The following NKAIN3 variants were observed in gnomAD, a reference collection of about 807,000 sequenced individuals.
NKAIN3 encodes the protein sodium/potassium transporting ATPase interacting 3, also known as sodium/potassium-transporting ATPase subunit beta-1-interacting protein 3.
In NKAIN3, 25 loss-of-function variants were observed where a neutral mutation model predicts 30.2. The ratio of observed to expected loss-of-function variants is 0.83; its 90% CI spans 0.60 to 1.16. The LOEUF is 1.16. Among genes scored for constraint, NKAIN3 ranks in the 50% most tolerant of loss-of-function variants. The pLI is 0.00. For missense variants in NKAIN3, 225 were observed against 254.1 expected (o/e 0.89, Z 0.78); for synonymous variants, 91 against 89.6 (o/e 1.02, Z -0.09).
chr8:62,950,581 T>C (rs1233008676), intron 5 of NKAIN3, among the ~76,000 whole-genome samples: 4 of 152,188 alleles, frequency 2.6e-5, no homozygotes, highest in Non-Finnish European at 5.9e-5. Context: ...TACATCATGC[T>C]AGGTTTCTGA....
At chr8:62,574,844 T>C (rs1287489586) in intron 1 of NKAIN3, among the ~76,000 whole-genome samples, 4 of 152,098 alleles carry the variant, frequency 2.6e-5, no homozygotes, top group African/African-American at 9.7e-5. Flanking sequence ...TTATATGTCT[T>C]CTTTCAAGAA....
At chr8:62,542,411 G>T (rs1808872383) in intron 1 of NKAIN3, among the ~76,000 whole-genome samples, 1 of 152,070 alleles carries the variant, frequency 6.6e-6, no homozygotes, top group South Asian at 2.1e-4. Context: ...CATGATATAT[G>T]TGAACTTTAT....
intron 5 of NKAIN3, among the ~76,000 whole-genome samples, chr8:62,937,752 G>A (rs1260934904): frequency 6.6e-6 from 1 of 152,092 alleles, no homozygotes; most frequent in Non-Finnish European, 1.5e-5. Context: ...GCAGGGAGGG[G>A]TGAAGTCTGA....
chr8:62,508,034 T>C (rs1807696911), intron 1 of NKAIN3, among the ~76,000 whole-genome samples: 1 of 152,248 alleles, frequency 6.6e-6, no homozygotes, highest in Non-Finnish European at 1.5e-5. Context: ...AGGTAGTGAT[T>C]GGGCTTTCTA....
intron 1 of NKAIN3, among the ~76,000 whole-genome samples, chr8:62,515,834 G>A (rs190469787): frequency 1.3e-5 from 2 of 151,964 alleles, no homozygotes; most frequent in African/African-American, 2.4e-5. Context: ...CTGAATATTT[G>A]TTCATATACT....
Position 62,968,734 on chromosome 8 carries a change from C to G in NKAIN3, c.*3327C>G, listed in dbSNP as rs965495578. On this transcript the variant is annotated 3_prime_UTR_variant, in exon 7 of 7. Transcript: ENST00000623646. ...AACCTTGGCCAGCCCTTCCTCAGGC[C>G]GTGCCTTCTATCTTGTGTGAATGAT... is the stretch of plus-strand genomic sequence containing the variant. 1.3e-5 allele frequency among the ~76,000 whole-genome samples: 2 copies of G among 152,134 alleles called. No individual in the cohort carries two copies.
intron 1 of NKAIN3, among the ~76,000 whole-genome samples, chr8:62,514,695 C>T (rs927903379): frequency 6.6e-6 from 1 of 152,080 alleles, no homozygotes; most frequent in Non-Finnish European, 1.5e-5. Context: ...TTACTACTCC[C>T]CACCCTTCCT....
rs113412790 is a variant in NKAIN3 at position 62,337,219 on chromosome 8, C to T, written c.54+88092C>T. ...CAACATATCATTTCTGCCATTTTCA[C>T]TGGTCAATGCAATCATAGATCCCTT... On this transcript the variant is annotated intron_variant, in intron 1 of 6. Coordinates refer to ENST00000623646, the MANE Select transcript of NKAIN3 (RefSeq NM_001304533.3). 3.6e-3 allele frequency among the ~76,000 whole-genome samples: 551 copies of T among 152,148 alleles called. 1 individual carries two copies. Among genetic ancestry groups the T allele is most frequent in the Middle Eastern group, 6.8e-3 (2 of 294 alleles).
At chr8:62,702,952 C>A (rs1222898935) in intron 3 of NKAIN3, among the ~76,000 whole-genome samples, 1 of 152,074 alleles carries the variant, frequency 6.6e-6, no homozygotes, top group Non-Finnish European at 1.5e-5. Context: ...AAAAATAAAA[C>A]CCACAGGGAA....
chr8:62,485,740 A>G (rs549951537), intron 1 of NKAIN3, among the ~76,000 whole-genome samples: 9 of 152,324 alleles, frequency 5.9e-5, no homozygotes, highest in African/African-American at 2.2e-4. Context: ...AGAAGAGACT[A>G]AAATCTAAAC....
intron 5 of NKAIN3, among the ~76,000 whole-genome samples, chr8:62,931,595 G>A (rs1361982006): frequency 2.0e-5 from 3 of 152,030 alleles, no homozygotes; most frequent in Non-Finnish European, 2.9e-5. Flanking sequence ...AGGAATTTTC[G>A]GCAGGGAAGC....
At chr8:62,947,426 A>G (rs554154457) in intron 5 of NKAIN3, among the ~76,000 whole-genome samples, 4 of 152,324 alleles carry the variant, frequency 2.6e-5, no homozygotes, top group South Asian at 2.1e-4. Flanking sequence ...TGTATATAAT[A>G]TACATTTTTC....
intron 3 of NKAIN3, among the ~76,000 whole-genome samples, chr8:62,610,347 GAAA>G (rs33941316): frequency 0.013 from 1,794 of 135,450 alleles, 39 homozygotes; most frequent in African/African-American, 0.045. Flanking sequence ...CTCCGTCTCA[GAAA>G]AAAAAAAAAA....
intron 5 of NKAIN3, among the ~76,000 whole-genome samples, chr8:62,923,842 G>C (rs900227344): frequency 1.3e-5 from 2 of 152,300 alleles, no homozygotes; most frequent in Middle Eastern, 3.4e-3. Context: ...ACAGTGCTCT[G>C]GTTGAGTGAC....
At chr8:62,842,465 C>T (rs1470125760) in intron 4 of NKAIN3, among the ~76,000 whole-genome samples, 1 of 151,930 alleles carries the variant, frequency 6.6e-6, no homozygotes, top group East Asian at 1.9e-4. Flanking sequence ...TCAATGCAAT[C>T]CCTATAAAAA....
intron 4 of NKAIN3, among the ~76,000 whole-genome samples, chr8:62,888,783 T>A (rs1298771656): frequency 6.6e-6 from 1 of 152,234 alleles, no homozygotes; most frequent in African/African-American, 2.4e-5. Flanking sequence ...TGAAGTTTTG[T>A]ATTAGTCCAC....
At chr8:62,873,275 CAAG>C (rs1280341714) in intron 4 of NKAIN3, among the ~76,000 whole-genome samples, 2 of 152,108 alleles carry the variant, frequency 1.3e-5, no homozygotes, top group East Asian at 3.9e-4. Context: ...AATAATTCAA[CAAG>C]AAGAGCTAAC....
chr8:62,597,465 G>A (rs1205283686), intron 3 of NKAIN3, among the ~76,000 whole-genome samples: 4 of 151,800 alleles, frequency 2.6e-5, no homozygotes, highest in South Asian at 2.1e-4. Flanking sequence ...TTTGATAGTC[G>A]GCTTTTATTT....
intron 1 of NKAIN3, among the ~76,000 whole-genome samples, chr8:62,359,304 C>T (rs767165211): frequency 6.6e-6 from 1 of 152,150 alleles, no homozygotes; most frequent in Non-Finnish European, 1.5e-5. Context: ...TTTTTATGTA[C>T]CTGGTTTAGA....
Sources: allele counts gnomAD v4.1 joint callset (sites outside exome capture counted in the v4.1 genomes callset), GRCh38; gene constraint gnomAD v4.1.1; transcripts MANE v1.5; gene names NCBI Gene and HGNC (gene_info 2026-07-23, HGNC 2026-07-21).